Variants in IL12RB1 observed in about 807,000 individuals in gnomAD.
IL12RB1 encodes the protein interleukin-12 receptor subunit beta-1.
IL12RB1 carries 64 observed loss-of-function variants against 94.4 expected under a neutral mutation model. The observed-to-expected ratio is 0.68, with a 90% CI of 0.55 to 0.83. The LOEUF is 0.83. IL12RB1 is among the 40% of genes least tolerant of loss of function. IL12RB1 has a pLI of 0.00. For missense variants in IL12RB1, 814 were observed against 855.6 expected (o/e 0.95, Z 0.61); for synonymous variants, 362 against 355.5 (o/e 1.02, Z -0.21).
At chr19:18,088,408 T>TATATATATATATA (rs1555788630), upstream of IL12RB1, among the ~76,000 whole-genome samples, 28 of 145,556 alleles carry the variant, frequency 1.9e-4, no homozygotes, top group South Asian at 6.5e-4. Context: ...TATATATAAA[T>TATATATATATATA]TAAAAGTTAG....
intron 6 of IL12RB1, 63 bp downstream of exon 6, chr19:18,076,234 G>A (rs2035469266): frequency 1.2e-6 from 1 of 835,846 alleles, no homozygotes; most frequent in Non-Finnish European, 2.1e-6. Flanking sequence ...CTGGCATACA[G>A]TAGGTGCTCA....
intron 11 of IL12RB1, among the ~76,000 whole-genome samples, chr19:18,068,017 CTTTTTTTTTTT>C (rs1216685125): frequency 1.7e-5 from 1 of 59,826 alleles, no homozygotes; most frequent in Non-Finnish European, 3.1e-5. Context: ...CAGCATTGTC[CTTTTTTTTTTT>C]TTTTTTTTTT....
intron 5 of IL12RB1, among the ~76,000 whole-genome samples, chr19:18,076,864 A>G (rs1016433205): frequency 3.9e-5 from 6 of 152,230 alleles, no homozygotes; most frequent in African/African-American, 9.6e-5. Context: ...ACTAAACACA[A>G]TGTGGGATCC....
intron 11 of IL12RB1, among the ~76,000 whole-genome samples, chr19:18,067,328 A>AAC (rs2034662535): frequency 1.0e-5 from 1 of 97,066 alleles, no homozygotes; most frequent in Non-Finnish European, 1.9e-5. Context: ...TGTCTCAAGA[A>AAC]AAAAAAAAAA....
At chr19:18,080,809 CG>C in intron 4 of IL12RB1, 22 bp downstream of exon 4, 6 of 1,552,766 alleles carry the variant, frequency 3.9e-6, no homozygotes, top group Non-Finnish European at 5.3e-6. Context: ...AAAAAACGGA[CG>C]GGGGGAGAAC....
At chr19:18,065,057 G>T (rs1214115695) in intron 12 of IL12RB1, among the ~76,000 whole-genome samples, 4 of 152,104 alleles carry the variant, frequency 2.6e-5, no homozygotes, top group Non-Finnish European at 5.9e-5. Flanking sequence ...TTAAAAGCGG[G>T]TATAAATATG....
chr19:18,093,317 A>C (rs1199670717), intron 1 of IL12RB1, among the ~76,000 whole-genome samples: 1 of 142,558 alleles, frequency 7.0e-6, no homozygotes, highest in Non-Finnish European at 1.5e-5. Context: ...AAAAACAAAA[A>C]ACAAAAAAAC....
In IL12RB1 at chr19:18,066,691, G is replaced by A; in HGVS notation, c.1334C>T (p.Ala445Val). 6.2e-7 allele frequency: 1 copy of A among 1,608,898 alleles called. No homozygotes were observed. The highest frequency in any genetic ancestry group is 8.5e-7 in the Non-Finnish European group (1 of 1,176,672). ...CGAGACGTGGTGCGGTGTCCCAGCT[G>A]CTGAGGCTGCAACCAGTACCATTGT... ...STYHFGGNAS[A>V]AGTPHHVSVK... The change falls in exon 12 of 17, where the codon GCA (alanine) becomes GTA (valine). Residue 445 changes from alanine to valine, a missense_variant. Coordinates refer to ENST00000593993, the MANE Select transcript of IL12RB1 (RefSeq NM_005535.3).
intron 9 of IL12RB1, 102 bp from the exon 10 acceptor site, chr19:18,069,815 CCT>C: frequency 1.1e-6 from 1 of 876,658 alleles, no homozygotes; most frequent in East Asian, 2.4e-5. Flanking sequence ...CGTCTATACC[CCT>C]GACCCTACAG....
intron 2 of IL12RB1, 37 bp from the exon 3 acceptor site, chr19:18,082,301 G>T: frequency 8.3e-7 from 1 of 1,208,916 alleles, no homozygotes; most frequent in Non-Finnish European, 1.2e-6. Flanking sequence ...ACAGACCAGA[G>T]TCTGGAGGGG....
chr19:18,064,137 T>TA, intron 12 of IL12RB1, 127 bp from the exon 13 acceptor site: 2 of 462,924 alleles, frequency 4.3e-6, no homozygotes, highest in Non-Finnish European at 7.8e-6. Flanking sequence ...ACTCTTTCTT[T>TA]CTTTTTTTTT....
rs749311505 is a variant in IL12RB1, at chr19:18,059,590, C to G, written c.*18G>C. ...CGTAGCCTCGGGCGAGTCACTCACC[C>G]TCTCTGAGCCTCAACGATCACATCT... On this transcript the variant is annotated 3_prime_UTR_variant, in exon 17 of 17. Coordinates refer to ENST00000593993, the MANE Select transcript of IL12RB1 (RefSeq NM_005535.3). 3.3e-5 allele frequency: 26 copies of G among 780,336 alleles called. No individual in the cohort carries two copies. Among genetic ancestry groups the G allele is most frequent in the South Asian group, 3.2e-4 (24 of 74,496 alleles). The allele number at this position is 780,336 out of a possible 1,614,324, so 48.3% of individuals were successfully genotyped here. A position where few individuals can be genotyped will look rare whatever the true frequency, so the allele number is the denominator to read the frequency against.
At chr19:18,064,966 A>G (rs1451377135) in intron 12 of IL12RB1, among the ~76,000 whole-genome samples, 4 of 152,172 alleles carry the variant, frequency 2.6e-5, no homozygotes, top group African/African-American at 9.7e-5. Flanking sequence ...GCCCCTGTCC[A>G]CGGCAATGAT....
chr19:18,074,014 G>A (rs1253290393), intron 7 of IL12RB1, among the ~76,000 whole-genome samples: 1 of 152,058 alleles, frequency 6.6e-6, no homozygotes, highest in Non-Finnish European at 1.5e-5. Context: ...TAGTAGAGAC[G>A]GGGTTTCACC....
At position 18,059,483 on chromosome 19, in the gene IL12RB1, C is replaced by T. The variant is rs1599428809; in HGVS notation, c.*125G>A. 3 of 720,580 alleles carry T rather than the reference C, an allele frequency of 4.2e-6. No homozygotes were observed. The highest frequency in any genetic ancestry group is 4.0e-5 in the Admixed American group (2 of 50,040). 44.6% of individuals were successfully genotyped at this position (720,580 alleles called of 1,614,324 possible). ...CCCGCAGGATGGGTGGCAACAGGCA[C>T]GGGGCAGAGAGGAGGCAGGTGCACT... is the stretch of plus-strand genomic sequence containing the variant. On this transcript the variant is annotated 3_prime_UTR_variant, in exon 17 of 17. Transcript: ENST00000593993.
At chr19:18,073,809 GT>G (rs2035250364) in intron 7 of IL12RB1, among the ~76,000 whole-genome samples, 1 of 152,124 alleles carries the variant, frequency 6.6e-6, no homozygotes, top group Non-Finnish European at 1.5e-5. Context: ...GTTGCCTAAG[GT>G]TTTTTGTTTG....
upstream of IL12RB1, among the ~76,000 whole-genome samples, chr19:18,089,059 A>C (rs2036518158): frequency 6.6e-6 from 1 of 151,758 alleles, no homozygotes; most frequent in Non-Finnish European, 1.5e-5. Flanking sequence ...ATACACAAAA[A>C]AAAAAACCCA....
chr19:18,087,118 A>G, upstream of IL12RB1: 1 of 502,778 alleles, frequency 2.0e-6, no homozygotes, highest in South Asian at 2.1e-5. Flanking sequence ...CTGGCCCCAG[A>G]CCTGAACTGA....
At chr19:18,070,035 C>A (rs1414970002) in intron 9 of IL12RB1, among the ~76,000 whole-genome samples, 1 of 152,132 alleles carries the variant, frequency 6.6e-6, no homozygotes, top group African/African-American at 2.4e-5. Context: ...CCTGCCTCAG[C>A]CTCCTGAGTA....
Sources: allele counts gnomAD v4.1 joint callset (sites outside exome capture counted in the v4.1 genomes callset), GRCh38; gene constraint gnomAD v4.1.1; transcripts MANE v1.5; gene names NCBI Gene and HGNC (gene_info 2026-07-23, HGNC 2026-07-21).